The following DOCK2 variants were observed in gnomAD, a reference collection of about 807,000 sequenced individuals.
The protein encoded by DOCK2 is dedicator of cytokinesis 2.
DOCK2 carries 87 observed loss-of-function variants against 248.9 expected under a neutral mutation model. The ratio of observed to expected loss-of-function variants is 0.35; its 90% confidence interval spans 0.29 to 0.42. The LOEUF (loss-of-function observed/expected upper bound fraction) is 0.42. Among genes scored for constraint, DOCK2 ranks in the 10% least tolerant of loss-of-function variants. DOCK2 has a pLI of 1.00. For synonymous variants in DOCK2, 805 were observed against 821.6 expected (o/e 0.98, Z 0.35); for missense variants, 1,747 against 2,300.2 (o/e 0.76, Z 4.92).
chr5:170,058,092 G>A (rs866590652), intron 44 of DOCK2, among the ~76,000 whole-genome samples: 3 of 152,128 alleles, frequency 2.0e-5, no homozygotes, highest in Non-Finnish European at 2.9e-5. Context: ...AGAAGGGAGA[G>A]ATCATTTGGC....
chr5:169,728,399 C>T (rs1291534641), intron 22 of DOCK2, among the ~76,000 whole-genome samples: 2 of 151,984 alleles, frequency 1.3e-5, no homozygotes, highest in African/African-American at 4.8e-5. Flanking sequence ...CAGAATGAAA[C>T]CCAGGGAGTC....
intron 22 of DOCK2, among the ~76,000 whole-genome samples, chr5:169,738,996 T>C (rs17071652): frequency 0.14 from 20,860 of 152,200 alleles, 1,876 homozygotes; most frequent in African/African-American, 0.26. Flanking sequence ...ATTCCTTGGG[T>C]GTTCCCAAAT....
At chr5:169,740,698 G>A (rs1763260793) in intron 22 of DOCK2, among the ~76,000 whole-genome samples, 1 of 152,230 alleles carries the variant, frequency 6.6e-6, no homozygotes, top group Non-Finnish European at 1.5e-5. Flanking sequence ...TAGCAACACT[G>A]TAGTCATCCT....
intron 27 of DOCK2, among the ~76,000 whole-genome samples, chr5:169,895,513 C>G (rs1244060678): frequency 6.6e-6 from 1 of 152,118 alleles, no homozygotes; most frequent in South Asian, 2.1e-4. Context: ...AAGCAGCCAG[C>G]AGCCAGCATT....
chr5:169,996,954 A>G lies in DOCK2; in HGVS notation c.3072+790A>G, dbSNP rs554132587. Among the ~76,000 whole-genome samples, 7 of 152,324 alleles carry G rather than the reference A, an allele frequency of 4.6e-5. No homozygotes were observed. In the East Asian group the frequency reaches 9.6e-4, roughly 21 times the overall value. On this transcript the variant is annotated intron_variant, in intron 30 of 51. Coordinates refer to ENST00000520908, the MANE Select transcript of DOCK2 (RefSeq NM_004946.3). The stretch of plus-strand genomic sequence containing the variant: ...AGAGATTTGGAAAAGAAAGAGACAC[A>G]GAGACAAAGTATAGAGAAAGAAATA...
chr5:169,952,446 C>T (rs1394187759), intron 27 of DOCK2, among the ~76,000 whole-genome samples: 2 of 152,200 alleles, frequency 1.3e-5, no homozygotes, highest in East Asian at 3.9e-4. Context: ...AGAAGTAGCA[C>T]TGAGTCAGAT....
chr5:169,700,407 T>C (rs1033176163), intron 13 of DOCK2, among the ~76,000 whole-genome samples: 1 of 152,230 alleles, frequency 6.6e-6, no homozygotes, highest in African/African-American at 2.4e-5. Context: ...ATATACTTTA[T>C]ATAGTATTCT....
intron 27 of DOCK2, among the ~76,000 whole-genome samples, chr5:169,911,583 A>T (rs964517704): frequency 2.0e-5 from 3 of 152,216 alleles, no homozygotes; most frequent in Non-Finnish European, 2.9e-5. Context: ...ATGAGGACAT[A>T]ATACCCTTCA....
At chr5:169,881,585 A>C in intron 27 of DOCK2, 1 of 658,398 alleles carries the variant, frequency 1.5e-6, no homozygotes, top group Non-Finnish European at 2.8e-6. Context: ...TAAGGAAACA[A>C]GAATGTCACG....
Position 169,739,925 on chromosome 5 carries a change from G to T in DOCK2, c.2268-7471G>T, listed in dbSNP as rs1363686232. Among the ~76,000 whole-genome samples the T allele has an allele frequency of 2.0e-5, 3 of 152,224 alleles. No homozygotes were observed. The South Asian group carries it at 6.2e-4, about 31-fold the overall frequency. ...AGAAAGAAAGAGAGATAGAGAGTGT[G>T]CATGCGTGTGCTTCTTTCTATCCTT... On this transcript the variant is annotated intron_variant, in intron 22 of 51. Transcript: ENST00000520908.
chr5:169,769,510 AG>A (rs1355866700), intron 25 of DOCK2, among the ~76,000 whole-genome samples: 1 of 152,248 alleles, frequency 6.6e-6, no homozygotes, highest in Non-Finnish European at 1.5e-5. Flanking sequence ...GTGAAAGTAG[AG>A]GGTTGAATAC....
chr5:169,974,857 G>C (rs964174678), intron 27 of DOCK2, among the ~76,000 whole-genome samples: 1 of 131,284 alleles, frequency 7.6e-6, no homozygotes, highest in Non-Finnish European at 1.6e-5. Context: ...ACACACACAT[G>C]TTTCCATGGA....
intron 27 of DOCK2, among the ~76,000 whole-genome samples, chr5:169,852,124 A>G (rs558569520): frequency 6.6e-6 from 1 of 152,292 alleles, no homozygotes; most frequent in South Asian, 2.1e-4. Context: ...TTGTTCAGCA[A>G]GAGCTGGGAA....
At chr5:169,789,158 T>A (rs906891229) in intron 25 of DOCK2, among the ~76,000 whole-genome samples, 24 of 152,232 alleles carry the variant, frequency 1.6e-4, no homozygotes, top group African/African-American at 5.5e-4. Context: ...CATGTCCCTG[T>A]CTCCACTCAT....
At chr5:169,744,987 G>T (rs781505183) in intron 22 of DOCK2, among the ~76,000 whole-genome samples, 1 of 152,210 alleles carries the variant, frequency 6.6e-6, no homozygotes, top group South Asian at 2.1e-4. Flanking sequence ...TGTTAAATGT[G>T]GGTGGGAGAC....
intron 1 of DOCK2, among the ~76,000 whole-genome samples, chr5:169,651,872 A>G (rs1273869343): frequency 6.6e-6 from 1 of 152,240 alleles, no homozygotes; most frequent in Non-Finnish European, 1.5e-5. Flanking sequence ...GTGTTGGTCG[A>G]CAGAGCAGTT....
At chr5:169,894,887 C>T (rs115861024) in intron 27 of DOCK2, among the ~76,000 whole-genome samples, 1,760 of 152,288 alleles carry the variant, frequency 0.012, 36 homozygotes, top group African/African-American at 0.036. Flanking sequence ...GTAATAAAAA[C>T]GAAACTCAAG....
At chr5:169,876,878 C>T (rs181931721) in intron 27 of DOCK2, among the ~76,000 whole-genome samples, 1 of 152,192 alleles carries the variant, frequency 6.6e-6, no homozygotes, top group Admixed American at 6.5e-5. Context: ...AGAGTCATTT[C>T]TTTCTTTAAT....
chr5:169,700,418 A>G (rs988427349), intron 13 of DOCK2, among the ~76,000 whole-genome samples: 3 of 152,224 alleles, frequency 2.0e-5, no homozygotes, highest in African/African-American at 7.2e-5. Flanking sequence ...ATAGTATTCT[A>G]CAACTTGTTT....
Sources: allele counts gnomAD v4.1 joint callset (sites outside exome capture counted in the v4.1 genomes callset), GRCh38; gene constraint gnomAD v4.1.1; transcripts MANE v1.5; gene names NCBI Gene and HGNC (gene_info 2026-07-23, HGNC 2026-07-21).